The following ASXL1 variants were observed in gnomAD, a reference collection of about 807,000 sequenced individuals.
The protein encoded by ASXL1 is polycomb group protein ASXL1.
A neutral mutation model predicts 89.1 loss-of-function variants in ASXL1; 65 were observed. That is an observed-to-expected ratio of 0.73 (90% CI 0.60 to 0.90). The LOEUF (loss-of-function observed/expected upper bound fraction) is 0.90, where lower values mean the gene tolerates loss of function less well. Ranked by LOEUF, ASXL1 falls within the 40% of genes least tolerant of loss-of-function variation. The probability of loss-of-function intolerance (pLI) is 0.00; values close to 1 mark genes in which losing one functional copy is unlikely to be tolerated. For synonymous variants in ASXL1, 739 were observed against 746.9 expected, an observed-to-expected ratio of 0.99 and a Z score of 0.17; for missense variants, 1,786 against 1,942.9, an observed-to-expected ratio of 0.92 and a Z score of 1.52.
Position 32,436,069 on chromosome 20 carries a change from G to C in ASXL1, c.3357G>C (p.Glu1119Asp), listed in dbSNP as rs1450882082. 1 of 1,614,188 alleles carries C rather than the reference G, an allele frequency of 6.2e-7. No homozygotes were observed. The highest frequency in any genetic ancestry group is 8.5e-7 in the Non-Finnish European group (1 of 1,180,038). Residue 1119 changes from glutamate to aspartate, a missense_variant, in exon 13 of 13, where the codon GAG becomes GAC. Glu to Asp is a conservative substitution (Grantham distance 45). This residue lies in a region of ASXL1 where 1,418 missense variants were observed against 1,427.8 expected (regional missense o/e 0.99). Transcript: ENST00000375687. The part of the protein sequence containing the change: ...MQLLQGSLPL[E>D]KVLPPAHDDS... The stretch of plus-strand genomic sequence containing the variant: ...TGCTGCAGGGTAGCTTGCCCCTAGA[G>C]AAGGTTCTTCCACCAGCCCACGATG...
chr20:32,436,433 G>A lies in ASXL1; in HGVS notation c.3721G>A (p.Glu1241Lys), dbSNP rs372409311. 1.4e-5 allele frequency: 23 copies of A among 1,613,936 alleles called. No individual in the cohort carries two copies. The highest frequency in any genetic ancestry group is 1.8e-5 in the Non-Finnish European group (21 of 1,180,060). Residue 1241 changes from glutamate (E) to lysine (K), a missense_variant, in exon 13 of 13, where the codon GAA becomes AAA. Physicochemically the swap from Glu to Lys is moderately conservative, Grantham distance 56. Coordinates refer to ENST00000375687, the MANE Select transcript of ASXL1 (RefSeq NM_015338.6). Reference protein sequence around the residue: ...SKEQFSSFSCEDQKEVRAMSQ... With the variant: ...SKEQFSSFSCKDQKEVRAMSQ... ...AGAGCAGTTCTCTTCCTTTAGTTGT[G>A]AAGATCAGAAGGAAGTCCGTGCTAT...
chr20:32,360,034 T>C (rs1600458242), intron 1 of ASXL1: 1 of 539,184 alleles, frequency 1.9e-6, no homozygotes, highest in East Asian at 3.0e-5. Context: ...TCTCTTATTT[T>C]GAAGTGAGTT....
chr20:32,363,836 G>C (rs1206701223), intron 1 of ASXL1, among the ~76,000 whole-genome samples: 1 of 152,164 alleles, frequency 6.6e-6, no homozygotes, highest in Non-Finnish European at 1.5e-5. Context: ...GTGTGTATTT[G>C]CAACGTGTGG....
Position 32,433,537 on chromosome 20 carries a change from C to A in ASXL1, c.1339C>A (p.Pro447Thr), listed in dbSNP as rs1334789337. 1 of 1,614,154 alleles carries A rather than the reference C, an allele frequency of 6.2e-7. No homozygotes were observed. Among genetic ancestry groups the A allele is most frequent in the Non-Finnish European group, 8.5e-7 (1 of 1,180,022 alleles). Residue 447 changes from proline (P) to threonine (T), a missense_variant, in exon 12 of 13, where the codon CCC (proline) becomes ACC (threonine). Physicochemically the swap from Pro to Thr is conservative, Grantham distance 38. Transcript: ENST00000375687. ...TGCAAAATCTGTGGCCTCAGATGTT[C>A]CCCTCTACAAGGATGGGGAGGCTAA... is the stretch of plus-strand genomic sequence containing the variant. ...KDAKSVASDV[P>T]LYKDGEAKTD...
At position 32,439,215 on chromosome 20, in the gene ASXL1, C is replaced by G. The variant is rs1184874160; in HGVS notation, c.*1877C>G. ...CTCTGCTGGAACCTTTGGGGACACT[C>G]AAGGGTACAGTTTGACACTGATCTG... On this transcript the variant is annotated 3_prime_UTR_variant, in exon 13 of 13. Coordinates refer to ENST00000375687, the MANE Select transcript of ASXL1 (RefSeq NM_015338.6). 1.3e-5 allele frequency: 3 copies of G among 233,384 alleles called. No individual in the cohort carries two copies. The highest frequency in any genetic ancestry group is 6.6e-5 in the African/African-American group (3 of 45,318). The allele number at this position is 233,384 out of a possible 1,614,324, so 14.5% of individuals were successfully genotyped here.
chr20:32,411,445 C>A (rs1421287780), intron 4 of ASXL1, among the ~76,000 whole-genome samples: 5 of 151,090 alleles, frequency 3.3e-5, no homozygotes, highest in Non-Finnish European at 7.4e-5. Context: ...AGGCTTGTCT[C>A]TCCAACTCCT....
chr20:32,386,151 C>G (rs2048575308), intron 4 of ASXL1, among the ~76,000 whole-genome samples: 1 of 152,096 alleles, frequency 6.6e-6, no homozygotes, highest in African/African-American at 2.4e-5. Context: ...TTATTTTGTT[C>G]TTGTTTATAT....
At chr20:32,375,237 G>A (rs1047254398) in intron 4 of ASXL1, among the ~76,000 whole-genome samples, 6 of 151,968 alleles carry the variant, frequency 3.9e-5, no homozygotes, top group Non-Finnish European at 5.9e-5. Context: ...AGGCTGAGTC[G>A]GGCGGATCAC....
At chr20:32,396,010 G>C (rs1034321027) in intron 4 of ASXL1, among the ~76,000 whole-genome samples, 1 of 152,012 alleles carries the variant, frequency 6.6e-6, no homozygotes, top group Non-Finnish European at 1.5e-5. Context: ...TGTTTGCCAG[G>C]CTGGTCTCAA....
At chr20:32,375,255 C>T (rs1014387291) in intron 4 of ASXL1, among the ~76,000 whole-genome samples, 3 of 152,068 alleles carry the variant, frequency 2.0e-5, no homozygotes, top group Non-Finnish European at 2.9e-5. Flanking sequence ...CACCTTAGGT[C>T]AGGAGTTCGC....
chr20:32,433,971 C>T (rs2011630545), intron 12 of ASXL1, 54 bp downstream of exon 12: 2 of 1,602,008 alleles, frequency 1.2e-6, no homozygotes, highest in Non-Finnish European at 1.7e-6. Flanking sequence ...CTTTGAGGGT[C>T]ATGAGATTAT....
At chr20:32,431,827 G>T (rs1251008115) in intron 10 of ASXL1, 148 bp downstream of exon 10, 9 of 838,954 alleles carry the variant, frequency 1.1e-5, no homozygotes, top group Non-Finnish European at 1.7e-5. Context: ...AATGTGGTGG[G>T]TATTAATATG....
chr20:32,397,001 A>C (rs547309042), intron 4 of ASXL1, among the ~76,000 whole-genome samples: 39 of 125,878 alleles, frequency 3.1e-4, no homozygotes, highest in East Asian at 2.3e-3. Flanking sequence ...GCAAAAAAAA[A>C]AAACAAACAA....
At position 32,429,467 on chromosome 20, in the gene ASXL1, C is replaced by G; in HGVS notation, c.565+36C>G. ...ACTCATGGTTGTGATGCTTTTTCCT[C>G]AGGTCCTGGGGACCTGGCCTCCCTC... On this transcript the variant is annotated intron_variant, in intron 7 of 12. Transcript: ENST00000375687. The surrounding 1 kb of genome is among the most constrained non-coding windows in gnomAD (Gnocchi z 4.9). The G allele has an allele frequency of 1.2e-6, 2 of 1,601,812 alleles. No homozygotes were observed. The highest frequency in any genetic ancestry group is 1.7e-6 in the Non-Finnish European group (2 of 1,168,966).
intron 1 of ASXL1, chr20:32,359,136 C>G (rs2048065947): frequency 1.6e-6 from 1 of 626,620 alleles, no homozygotes; most frequent in African/African-American, 1.8e-5. Context: ...GCGTCCCCTC[C>G]CCCACTATTT....
At position 32,435,279 on chromosome 20, in the gene ASXL1, G is replaced by T; in HGVS notation, c.2567G>T (p.Cys856Phe). Residue 856 changes from cysteine to phenylalanine, a missense_variant, in exon 13 of 13, where the codon TGC becomes TTC. Cys to Phe is a radical substitution (Grantham distance 205, BLOSUM62 -2). Transcript: ENST00000375687. ...ACACCTGAATCCTCACCGACTGATT[G>T]CCTGCAGAACAGAGCATTTGATGAC... The part of the protein sequence containing the change: ...SSTPESSPTD[C>F]LQNRAFDDEL... 1.2e-6 allele frequency: 2 copies of T among 1,614,154 alleles called. No individual in the cohort carries two copies. Among genetic ancestry groups the T allele is most frequent in the Non-Finnish European group, 1.7e-6 (2 of 1,180,032 alleles).
At chr20:32,399,728 A>C (rs561574418) in intron 4 of ASXL1, among the ~76,000 whole-genome samples, 1 of 141,664 alleles carries the variant, frequency 7.1e-6, no homozygotes, top group African/African-American at 2.6e-5. Context: ...GCATTTTTAA[A>C]AATCTCACAT....
intron 1 of ASXL1, chr20:32,359,331 C>G (rs1239490519): frequency 1.4e-6 from 1 of 702,592 alleles, no homozygotes; most frequent in East Asian, 2.7e-5. Flanking sequence ...CCAATCTAAA[C>G]CAGGTGCGTG....
intron 4 of ASXL1, among the ~76,000 whole-genome samples, chr20:32,413,899 T>G: frequency 6.6e-6 from 1 of 152,244 alleles, no homozygotes; most frequent in Admixed American, 6.5e-5. Flanking sequence ...GACGTAGAGT[T>G]GCTTCTAGAG....
Sources: allele counts gnomAD v4.1 joint callset (sites outside exome capture counted in the v4.1 genomes callset), GRCh38; gene constraint gnomAD v4.1.1; regional missense constraint gnomAD v4.1.1; non-coding constraint Gnocchi (gnomAD v3.1); transcripts MANE v1.5; gene names NCBI Gene and HGNC (gene_info 2026-07-23, HGNC 2026-07-21).